Variants in EFL1 observed in about 807,000 individuals in gnomAD.
EFL1 encodes the protein elongation factor-like GTPase 1.
In EFL1, 76 loss-of-function variants were observed where a neutral mutation model predicts 126.7. The ratio of observed to expected loss-of-function variants is 0.60; its 90% CI spans 0.50 to 0.73. The LOEUF is 0.73. Among genes scored for constraint, EFL1 ranks in the 30% least tolerant of loss-of-function variants. The pLI is 0.00. For missense variants in EFL1, 1,128 were observed against 1,343.2 expected (o/e 0.84, Z 2.50); for synonymous variants, 410 against 448.4 (o/e 0.91, Z 1.08).
intron 11 of EFL1, among the ~76,000 whole-genome samples, chr15:82,226,208 G>A (rs1422525760): frequency 3.3e-5 from 5 of 151,994 alleles, no homozygotes; most frequent in Non-Finnish European, 7.4e-5. Flanking sequence ...TTGTTCCGTC[G>A]CCCAGGCTGG....
intron 2 of EFL1, 49 bp from the exon 3 acceptor site, chr15:82,259,204 G>A: frequency 6.7e-7 from 1 of 1,500,796 alleles, no homozygotes; most frequent in South Asian, 1.1e-5. Flanking sequence ...TTTAAAAGGG[G>A]TCATGGATCA....
intron 17 of EFL1, among the ~76,000 whole-genome samples, chr15:82,153,244 A>G (rs1033313752): frequency 6.6e-6 from 1 of 152,140 alleles, no homozygotes; most frequent in African/African-American, 2.4e-5. Context: ...ATCAAATTTG[A>G]TATTGTTGTA....
chr15:82,170,175 C>T (rs973896821), intron 15 of EFL1, among the ~76,000 whole-genome samples: 5 of 123,972 alleles, frequency 4.0e-5, no homozygotes, highest in South Asian at 5.5e-4. Flanking sequence ...AGTGCAGTGG[C>T]GGGATCTCGG....
At chr15:82,207,684 A>G (rs2074539827) in intron 15 of EFL1, among the ~76,000 whole-genome samples, 1 of 151,690 alleles carries the variant, frequency 6.6e-6, no homozygotes, top group Admixed American at 6.6e-5. Context: ...TATTTAGCTT[A>G]TCTGCATTTT....
chr15:82,232,440 T>C (rs920153498), intron 7 of EFL1, among the ~76,000 whole-genome samples: 2 of 152,218 alleles, frequency 1.3e-5, no homozygotes, highest in Admixed American at 6.5e-5. Context: ...ATTCTATTCA[T>C]ATGGTTCATG....
At chr15:82,230,072 G>A (rs1169356810) in intron 8 of EFL1, among the ~76,000 whole-genome samples, 20 of 151,372 alleles carry the variant, frequency 1.3e-4, no homozygotes, top group Admixed American at 1.3e-3. Flanking sequence ...AGCTTTTAAT[G>A]GCAAGGGAAG....
intron 15 of EFL1, among the ~76,000 whole-genome samples, chr15:82,204,097 G>T (rs2074499830): frequency 6.6e-6 from 1 of 151,824 alleles, no homozygotes; most frequent in Non-Finnish European, 1.5e-5. Context: ...TCATTTTAAT[G>T]GTTATGAAAG....
At chr15:82,250,087 A>C (rs2141336534) in intron 4 of EFL1, among the ~76,000 whole-genome samples, 1 of 151,258 alleles carries the variant, frequency 6.6e-6, no homozygotes, top group East Asian at 1.9e-4. Flanking sequence ...GAGTTTCTTC[A>C]ATCATCAGGT....
chr15:82,217,512 G>C (rs1320504620), intron 14 of EFL1, among the ~76,000 whole-genome samples: 1 of 146,948 alleles, frequency 6.8e-6, no homozygotes, highest in Admixed American at 6.9e-5. Flanking sequence ...CATTAACATA[G>C]ATTAATCTCA....
intron 18 of EFL1, among the ~76,000 whole-genome samples, chr15:82,141,650 G>A (rs1428409581): frequency 2.0e-5 from 3 of 149,990 alleles, no homozygotes; most frequent in Non-Finnish European, 4.4e-5. Context: ...CTCCAACCTG[G>A]GCAATAGAGT....
chr15:82,151,639 C>G lies in EFL1; in HGVS notation c.2815G>C (p.Glu939Gln). Reference sequence around the variant, plus strand: ...TCTCCTTTCTGTGATGTCCTCTTCTCAAAGGCCTCAGAGCAGCCATCTTGT... The same window carrying G: ...TCTCCTTTCTGTGATGTCCTCTTCTGAAAGGCCTCAGAGCAGCCATCTTGT... Reference protein sequence around the residue: ...ELQDGCSEAFEKRTSQKGESP... With the variant: ...ELQDGCSEAFQKRTSQKGESP... Residue 939 changes from glutamate (E) to glutamine (Q), a missense_variant, in exon 18 of 20, where the codon GAG becomes CAG. Coordinates refer to ENST00000268206, the MANE Select transcript of EFL1 (RefSeq NM_024580.6). 1 of 1,614,156 alleles carries G rather than the reference C, an allele frequency of 6.2e-7. No homozygotes were observed. The highest frequency in any genetic ancestry group is 8.5e-7 in the Non-Finnish European group (1 of 1,180,020).
At chr15:82,232,915 A>G (rs1307319605) in intron 7 of EFL1, among the ~76,000 whole-genome samples, 1 of 151,788 alleles carries the variant, frequency 6.6e-6, no homozygotes, top group Non-Finnish European at 1.5e-5. Flanking sequence ...ATTTTTTTTT[A>G]AATGTTGATT....
chr15:82,169,838 T>C (rs1567048519), intron 15 of EFL1, among the ~76,000 whole-genome samples: 1 of 152,208 alleles, frequency 6.6e-6, no homozygotes, highest in South Asian at 2.1e-4. Context: ...AGGCACTTCA[T>C]AGATTCCTCA....
At chr15:82,252,533 C>T (rs2075031852) in intron 4 of EFL1, among the ~76,000 whole-genome samples, 158 bp downstream of exon 4, 1 of 152,172 alleles carries the variant, frequency 6.6e-6, no homozygotes. Context: ...TGCATCCAAG[C>T]CTGGACAGCC....
In EFL1 at chr15:82,180,452, A is replaced by G. The variant is rs79791919; in HGVS notation, c.1751-16468T>C. 4.7e-4 allele frequency among the ~76,000 whole-genome samples: 72 copies of G among 152,120 alleles called. No individual in the cohort carries two copies. The East Asian group carries it at 0.014, about 29-fold the overall frequency. ...TGATTATCACTGAAACACTGCCTCA[A>G]ACAGGAAAAACAATGACCATGGCAA... On this transcript the variant is annotated intron_variant, in intron 15 of 19. Coordinates refer to ENST00000268206, the MANE Select transcript of EFL1 (RefSeq NM_024580.6).
chr15:82,157,919 C>A, intron 16 of EFL1, 59 bp from the exon 17 acceptor site: 1 of 1,513,476 alleles, frequency 6.6e-7, no homozygotes, highest in Non-Finnish European at 9.0e-7. Context: ...AATTCAAAGA[C>A]AATGGCTCTG....
chr15:82,252,771 C>G lies in EFL1; in HGVS notation c.164G>C (p.Arg55Thr). The change falls in exon 4 of 20, where the codon AGG becomes ACG. Residue 55 changes from arginine (R) to threonine (T), a missense_variant. Arg to Thr is a moderately conservative substitution (Grantham distance 71). This residue lies in a region of EFL1 where 118 missense variants were observed against 188.1 expected (regional missense o/e 0.63). Transcript: ENST00000268206. ...IISSRLAGKL[R>T]YMDSREDEQI... The stretch of plus-strand genomic sequence containing the variant: ...TTCATCTTCTCTGCTGTCCATGTAC[C>G]TTAACTGGAAAAATGCAACATATGC... The G allele has an allele frequency of 4.4e-6, 7 of 1,578,192 alleles. No homozygotes were observed. In the South Asian group the frequency reaches 7.8e-5, roughly 18 times the overall value.
At chr15:82,203,430 G>C (rs867133547) in intron 15 of EFL1, among the ~76,000 whole-genome samples, 1 of 152,134 alleles carries the variant, frequency 6.6e-6, no homozygotes, top group Non-Finnish European at 1.5e-5. Context: ...GTGCAGTGGC[G>C]TGTGGCGCAA....
In EFL1 at chr15:82,257,761, T is replaced by C. The variant is rs185530361; in HGVS notation, c.159+1327A>G. Reference sequence around the variant, plus strand: ...ATGCATTATGATTAATTAAAGTCCATAGTTTACATTAGGGTTCACTCTTTG... The same window carrying C: ...ATGCATTATGATTAATTAAAGTCCACAGTTTACATTAGGGTTCACTCTTTG... On this transcript the variant is annotated intron_variant, in intron 3 of 19. Transcript: ENST00000268206. 1.4e-4 allele frequency among the ~76,000 whole-genome samples: 21 copies of C among 152,328 alleles called. No individual in the cohort carries two copies. In the East Asian group the frequency reaches 3.7e-3, roughly 27 times the overall value.
Sources: allele counts gnomAD v4.1 joint callset (sites outside exome capture counted in the v4.1 genomes callset), GRCh38; gene constraint gnomAD v4.1.1; regional missense constraint gnomAD v4.1.1; transcripts MANE v1.5; gene names NCBI Gene and HGNC (gene_info 2026-07-23, HGNC 2026-07-21).